SVIL: variants seen among roughly 807,000 people sequenced by gnomAD.
SVIL encodes the protein supervillin.
In SVIL, 101 loss-of-function variants were observed where a neutral mutation model predicts 240.4. The ratio of observed to expected loss-of-function variants is 0.42; its 90% CI spans 0.36 to 0.50. The LOEUF is 0.50. Among genes scored for constraint, SVIL ranks in the 20% least tolerant of loss-of-function variants. The pLI is 0.01. For synonymous variants in SVIL, 999 were observed against 1,100.0 expected (o/e 0.91, Z 1.82); for missense variants, 2,512 against 2,818.7 (o/e 0.89, Z 2.46).
intron 3 of SVIL, among the ~76,000 whole-genome samples, chr10:29,646,337 T>C (rs1169062744): frequency 1.3e-5 from 2 of 152,192 alleles, no homozygotes; most frequent in Non-Finnish European, 2.9e-5. Flanking sequence ...TTAAGCAGTG[T>C]CTGATTTCAA....
intron 36 of SVIL, 27 bp downstream of exon 36, chr10:29,462,250 C>T (rs759869651): frequency 6.2e-7 from 1 of 1,609,690 alleles, no homozygotes; most frequent in Non-Finnish European, 8.5e-7. Context: ...CAGGAGCCAC[C>T]TTCATAGGGC....
At chr10:29,612,243 G>A (rs1417552932) in intron 1 of SVIL, among the ~76,000 whole-genome samples, 3 of 152,298 alleles carry the variant, frequency 2.0e-5, no homozygotes, top group African/African-American at 4.8e-5. Context: ...GGTTGACTAT[G>A]GATCCTCAAC....
At chr10:29,669,820 G>T (rs1959624217) in intron 2 of SVIL, among the ~76,000 whole-genome samples, 1 of 152,216 alleles carries the variant, frequency 6.6e-6, no homozygotes. Flanking sequence ...CATGATTTAA[G>T]ATAAAGGAAA....
chr10:29,714,900 C>T (rs557157750), intron 1 of SVIL, among the ~76,000 whole-genome samples: 207 of 143,154 alleles, frequency 1.4e-3, no homozygotes, highest in Middle Eastern at 3.8e-3. Flanking sequence ...GTTGAGACTG[C>T]ACCACTGCAC....
Position 29,706,838 on chromosome 10 carries a change from G to C in SVIL, c.-399-20187C>G, listed in dbSNP as rs775051556. On this transcript the variant is annotated intron_variant, in intron 1 of 35. Coordinates refer to the SVIL transcript ENST00000375400. ...GTATAAGGTGTAAGGAAGGGGTCTA[G>C]CTTCTGTTTTCTGCATATGGCTAGC... Among the ~76,000 whole-genome samples, 7 of 152,164 alleles carry C rather than the reference G, an allele frequency of 4.6e-5. 1 individual carries two copies. Among genetic ancestry groups the C allele is most frequent in the Non-Finnish European group, 8.8e-5 (6 of 68,032 alleles).
intron 2 of SVIL, among the ~76,000 whole-genome samples, chr10:29,665,494 A>T (rs971559771): frequency 2.6e-5 from 4 of 152,068 alleles, no homozygotes; most frequent in East Asian, 3.9e-4. Flanking sequence ...AACTAATACC[A>T]GACTTAAAAA....
chr10:29,616,229 G>T lies in SVIL; in HGVS notation c.-201+18191C>A, dbSNP rs114297062. 8.4e-3 allele frequency among the ~76,000 whole-genome samples: 1,276 copies of T among 152,236 alleles called. 11 individuals carry two copies. The highest frequency in any genetic ancestry group is 0.024 in the African/African-American group (988 of 41,534). On this transcript the variant is annotated intron_variant, in intron 1 of 37. Coordinates refer to ENST00000355867, the MANE Select transcript of SVIL (RefSeq NM_021738.3). ...ATTTTTGTATTTTAGTAGAGGCAGG[G>T]TTTCACCATGTTGCACGGGCTGGTC...
chr10:29,488,542 T>C, intron 23 of SVIL, 59 bp downstream of exon 23: 2 of 1,480,184 alleles, frequency 1.4e-6, no homozygotes, highest in Non-Finnish European at 1.8e-6. Context: ...CAGGACTCCG[T>C]ATGGGACCAG....
chr10:29,489,656 T>C (rs925041033), intron 22 of SVIL, among the ~76,000 whole-genome samples: 7 of 152,240 alleles, frequency 4.6e-5, no homozygotes, highest in Admixed American at 1.3e-4. Flanking sequence ...TTAGTGATCC[T>C]CCCACCTCAG....
At chr10:29,586,079 T>G (rs1956155893) in intron 1 of SVIL, among the ~76,000 whole-genome samples, 1 of 152,142 alleles carries the variant, frequency 6.6e-6, no homozygotes, top group African/African-American at 2.4e-5. Flanking sequence ...TGGAAGAAAC[T>G]CAAACGAGAA....
At chr10:29,726,051 A>G (rs969695912) in intron 1 of SVIL, among the ~76,000 whole-genome samples, 4 of 152,286 alleles carry the variant, frequency 2.6e-5, no homozygotes, top group South Asian at 2.1e-4. Context: ...CCACCCAAGT[A>G]TCTAGGACTA....
intron 2 of SVIL, among the ~76,000 whole-genome samples, chr10:29,681,730 C>T (rs1174440670): frequency 2.0e-5 from 3 of 152,126 alleles, no homozygotes; most frequent in Admixed American, 2.0e-4. Context: ...TTCAGATCAT[C>T]AGAGCTGGGC....
chr10:29,604,663 C>T (rs1956951514), intron 1 of SVIL, among the ~76,000 whole-genome samples: 1 of 152,052 alleles, frequency 6.6e-6, no homozygotes, highest in Non-Finnish European at 1.5e-5. Flanking sequence ...CTCCTGCTCT[C>T]AAGTGATCCT....
At chr10:29,548,174 A>G (rs1952867178) in intron 6 of SVIL, among the ~76,000 whole-genome samples, 1 of 152,156 alleles carries the variant, frequency 6.6e-6, no homozygotes, top group Non-Finnish European at 1.5e-5. Flanking sequence ...GGGTTAATAC[A>G]TTTCAGTACC....
rs1756741415 is a variant in SVIL at position 29,551,209 on chromosome 10, C to T, written c.215G>A (p.Arg72Gln). Residue 72 changes from arginine (R) to glutamine (Q), a missense_variant, in exon 6 of 38, where the codon CGA becomes CAA. This residue lies in a region of SVIL where 1,443 missense variants were observed against 1,486.6 expected (regional missense o/e 0.97). Transcript: ENST00000355867. ...TSDSSLEKQT[R>Q]SKYCTETSGV... Reference sequence around the variant, plus strand: ...GGAGGTTTCTGTGCAGTATTTGGATCGAGTTTGCTTTTCTAGAGAAGAATC... The same window carrying T: ...GGAGGTTTCTGTGCAGTATTTGGATTGAGTTTGCTTTTCTAGAGAAGAATC... The T allele has an allele frequency of 6.2e-7, 1 of 1,609,700 alleles. No homozygotes were observed. The highest frequency in any genetic ancestry group is 1.1e-5 in the South Asian group (1 of 90,304).
At chr10:29,526,305 C>CTTTTT (rs36004446) in intron 13 of SVIL, among the ~76,000 whole-genome samples, 66 of 115,000 alleles carry the variant, frequency 5.7e-4, no homozygotes, top group Non-Finnish European at 7.6e-4. Context: ...TTTTCTCTTT[C>CTTTTT]TTTTTTTTTT....
In SVIL at chr10:29,583,796, C is replaced by T. The variant is rs1956047739; in HGVS notation, c.-200-14484G>A. On this transcript the variant is annotated intron_variant, in intron 1 of 37. Coordinates refer to ENST00000355867, the MANE Select transcript of SVIL (RefSeq NM_021738.3). ...CACAGTGCAGGTGCCTTGGGGAGGT[C>T]ATGACACAAAATAAATCAAAGGCAC... 2.6e-5 allele frequency among the ~76,000 whole-genome samples: 4 copies of T among 152,172 alleles called. No homozygotes were observed. The South Asian group carries it at 8.3e-4, about 32-fold the overall frequency.
At chr10:29,651,768 T>C (rs774579614) in intron 3 of SVIL, among the ~76,000 whole-genome samples, 1 of 152,142 alleles carries the variant, frequency 6.6e-6, no homozygotes, top group Non-Finnish European at 1.5e-5. Context: ...GGATATTTAA[T>C]AGACACCTCA....
rs1282039538 is a variant in SVIL at position 29,484,099 on chromosome 10, A to G, written c.4955+557T>C. ...TCTATTGAATTGCCAAAATGACTTT[A>G]AAGAGTCTAGTACATGCAGGGAATA... On this transcript the variant is annotated intron_variant, in intron 27 of 37. Transcript: ENST00000355867. The surrounding 1 kb of genome is among the most constrained non-coding windows in gnomAD (Gnocchi z 4.7). 6.6e-6 allele frequency among the ~76,000 whole-genome samples: 1 copy of G among 152,226 alleles called. No homozygotes were observed. The highest frequency in any genetic ancestry group is 1.5e-5 in the Non-Finnish European group (1 of 68,040).
Sources: allele counts gnomAD v4.1 joint callset (sites outside exome capture counted in the v4.1 genomes callset), GRCh38; gene constraint gnomAD v4.1.1; regional missense constraint gnomAD v4.1.1; non-coding constraint Gnocchi (gnomAD v3.1); transcripts MANE v1.5; gene names NCBI Gene and HGNC (gene_info 2026-07-23, HGNC 2026-07-21).